The following TENM4 variants were observed in gnomAD, a reference collection of about 807,000 sequenced individuals.
TENM4 encodes teneurin-4.
A neutral mutation model predicts 243.3 loss-of-function variants in TENM4; 82 were observed. That is an observed-to-expected ratio of 0.34 (90% CI 0.28 to 0.40). The LOEUF is 0.40. Ranked by LOEUF, TENM4 falls within the 10% of genes least tolerant of loss-of-function variation. The pLI is 1.00. For synonymous variants in TENM4, 1,412 were observed against 1,456.3 expected, an observed-to-expected ratio of 0.97 and a Z score of 0.69; for missense variants, 3,138 against 3,673.3, an observed-to-expected ratio of 0.85 and a Z score of 3.77.
At chr11:78,773,891 T>C (rs1264129950) in intron 17 of TENM4, among the ~76,000 whole-genome samples, 1 of 152,206 alleles carries the variant, frequency 6.6e-6, no homozygotes, top group Non-Finnish European at 1.5e-5. Flanking sequence ...AAGTAACTTT[T>C]TGTTAAAAAT....
chr11:79,334,968 T>A (rs577809707), intron 1 of TENM4, among the ~76,000 whole-genome samples: 122 of 152,324 alleles, frequency 8.0e-4, no homozygotes, highest in African/African-American at 2.8e-3. Context: ...AATGTGTTAT[T>A]CTTCTTTCGC....
intron 16 of TENM4, among the ~76,000 whole-genome samples, chr11:78,785,669 C>CATT (rs1272122241): frequency 2.0e-5 from 3 of 152,078 alleles, no homozygotes; most frequent in African/African-American, 7.3e-5. Flanking sequence ...AATCAGAAGC[C>CATT]ATTATTATTA....
chr11:79,013,170 C>T (rs1037060328), intron 6 of TENM4, among the ~76,000 whole-genome samples: 2 of 152,130 alleles, frequency 1.3e-5, no homozygotes, highest in South Asian at 4.1e-4. Context: ...TCAGGGGGCA[C>T]GAGAGCTGGT....
intron 2 of TENM4, among the ~76,000 whole-genome samples, chr11:79,237,442 C>T (rs1225557276): frequency 6.6e-6 from 1 of 152,144 alleles, no homozygotes; most frequent in African/African-American, 2.4e-5. Context: ...ATTGGGAGGC[C>T]GAGGCAGGCG....
intron 1 of TENM4, among the ~76,000 whole-genome samples, chr11:79,365,761 C>T (rs1427367118): frequency 1.3e-5 from 2 of 152,102 alleles, no homozygotes; most frequent in Middle Eastern, 3.2e-3. Flanking sequence ...GGCAGCTCCA[C>T]CAGATCTCAG....
chr11:78,865,954 A>G (rs1030134941), intron 9 of TENM4, among the ~76,000 whole-genome samples: 3 of 152,254 alleles, frequency 2.0e-5, no homozygotes, highest in African/African-American at 7.2e-5. Flanking sequence ...CACATGTGTG[A>G]TAACTATACG....
chr11:78,966,194 A>T (rs1857434072), intron 6 of TENM4, among the ~76,000 whole-genome samples: 1 of 33,996 alleles, frequency 2.9e-5, no homozygotes, highest in South Asian at 5.1e-4. Context: ...AAGGAAAATT[A>T]AAAAAAAAAA....
chr11:78,720,433 G>C, intron 24 of TENM4, 43 bp from the exon 25 acceptor site: 1 of 1,611,266 alleles, frequency 6.2e-7, no homozygotes, highest in Non-Finnish European at 8.5e-7. Flanking sequence ...AAAGAATGAG[G>C]TGTTAGCAGC....
intron 3 of TENM4, among the ~76,000 whole-genome samples, chr11:79,201,195 T>G (rs1863730373): frequency 6.6e-6 from 1 of 152,200 alleles, no homozygotes; most frequent in South Asian, 2.1e-4. Flanking sequence ...TTCCATCATC[T>G]TGTGAGTAGG....
intron 1 of TENM4, among the ~76,000 whole-genome samples, chr11:79,421,856 A>T (rs1858938964): frequency 6.6e-6 from 1 of 152,152 alleles, no homozygotes; most frequent in African/African-American, 2.4e-5. Context: ...GGCAGCAGAT[A>T]AGAGTCCAGT....
intron 12 of TENM4, among the ~76,000 whole-genome samples, chr11:78,818,532 G>C (rs1857657557): frequency 6.6e-6 from 1 of 152,182 alleles, no homozygotes. Flanking sequence ...GAGAAATATA[G>C]AGAATATTTT....
chr11:78,996,843 C>G (rs1858185188), intron 6 of TENM4, among the ~76,000 whole-genome samples: 1 of 152,168 alleles, frequency 6.6e-6, no homozygotes, highest in Admixed American at 6.5e-5. Flanking sequence ...GAATGGTGGT[C>G]TTGTGGAGGG....
intron 3 of TENM4, among the ~76,000 whole-genome samples, chr11:79,197,839 G>C (rs1863660697): frequency 6.6e-6 from 1 of 152,102 alleles, no homozygotes; most frequent in East Asian, 1.9e-4. Flanking sequence ...TTTTTTCAGA[G>C]TCTTGTTAGT....
rs1859377881 is a variant in TENM4 at position 79,440,343 on chromosome 11, C to T, written c.-321+166G>A. 6.6e-6 allele frequency among the ~76,000 whole-genome samples: 1 copy of T among 152,166 alleles called. No homozygotes were observed. The highest frequency in any genetic ancestry group is 1.9e-4 in the East Asian group (1 of 5,164). ...CTTCGGCCACCCGCGCCCTAGCCTC[C>T]CTCCTCCTGGGCCAGGGGAGCAAGC... On this transcript the variant is annotated intron_variant, in intron 1 of 33. Coordinates refer to ENST00000278550, the MANE Select transcript of TENM4 (RefSeq NM_001098816.3). The surrounding 1 kb of genome is among the most constrained non-coding windows in gnomAD (Gnocchi z 4.7).
At chr11:78,685,604 T>C (rs1858646589) in intron 29 of TENM4, among the ~76,000 whole-genome samples, 2 of 152,250 alleles carry the variant, frequency 1.3e-5, no homozygotes, top group African/African-American at 4.8e-5. Context: ...ATTTAAAAAC[T>C]GAGGAATGTG....
At chr11:78,904,377 T>TAAAAAAAAAAAAAAAAAAAAAAAAAA (rs1333665292) in intron 6 of TENM4, among the ~76,000 whole-genome samples, 4 of 100,182 alleles carry the variant, frequency 4.0e-5, no homozygotes, top group African/African-American at 2.0e-4. Context: ...AAAAAAAAAG[T>TAAAAAAAAAAAAAAAAAAAAAAAAAA]AAAACATAGA....
intron 4 of TENM4, among the ~76,000 whole-genome samples, chr11:79,120,835 AACTT>A (rs1294643441): frequency 3.3e-5 from 5 of 152,192 alleles, no homozygotes; most frequent in African/African-American, 1.2e-4. Context: ...ACAAATAAAT[AACTT>A]ACTATTTGTT....
chr11:78,960,378 G>A (rs375153483), intron 6 of TENM4, among the ~76,000 whole-genome samples: 1 of 152,122 alleles, frequency 6.6e-6, no homozygotes, highest in African/African-American at 2.4e-5. Flanking sequence ...CAGTGGAAGC[G>A]GGGAGGTCCT....
rs576875619 is a variant in TENM4, at chr11:79,307,941, C to T, written c.-320-10398G>A. 2.1e-3 allele frequency among the ~76,000 whole-genome samples: 314 copies of T among 152,366 alleles called. 20 individuals are homozygous for T. Among genetic ancestry groups the T allele is most frequent in the Middle Eastern group, 3.4e-3 (1 of 294 alleles). On this transcript the variant is annotated intron_variant, in intron 1 of 33. Coordinates refer to ENST00000278550, the MANE Select transcript of TENM4 (RefSeq NM_001098816.3). ...ATGGCAGGAGCCTGCACTCCCTCTC[C>T]TCCTACCCCATCCTGGGCTTCTCAG...
Sources: gnomAD v4.1 joint callset for allele counts (sites outside exome capture counted in the v4.1 genomes callset) on GRCh38, gnomAD v4.1.1 for gene constraint, Gnocchi (gnomAD v3.1) non-coding constraint, MANE v1.5 for transcripts, NCBI Gene and HGNC (gene_info 2026-07-23, HGNC 2026-07-21) for gene names.